The following FNDC3B variants were observed in gnomAD, a reference collection of about 807,000 sequenced individuals.
FNDC3B encodes the protein fibronectin type III domain-containing protein 3B.
A neutral mutation model predicts 151.5 loss-of-function variants in FNDC3B; 12 were observed. The observed-to-expected ratio is 0.08, with a 90% CI of 0.05 to 0.13. FNDC3B has a LOEUF of 0.13. FNDC3B is among the 10% of genes least tolerant of loss of function. FNDC3B has a pLI of 1.00. For missense variants in FNDC3B, 1,214 were observed against 1,505.3 expected (o/e 0.81, Z 3.20); for synonymous variants, 528 against 549.0 (o/e 0.96, Z 0.54).
chr3:172,379,364 T>C (rs1735315791), intron 24 of FNDC3B, among the ~76,000 whole-genome samples: 1 of 152,238 alleles, frequency 6.6e-6, no homozygotes, highest in African/African-American at 2.4e-5. Flanking sequence ...CAAGAGATCC[T>C]TGCATATGTG....
intron 3 of FNDC3B, among the ~76,000 whole-genome samples, chr3:172,205,011 A>T (rs1448999877): frequency 6.6e-6 from 1 of 152,200 alleles, no homozygotes; most frequent in African/African-American, 2.4e-5. Flanking sequence ...GGAAGGACAG[A>T]ATGCTTTTGT....
Position 172,294,302 on chromosome 3 carries a change from T to C in FNDC3B, c.850-1061T>C, listed in dbSNP as rs113632840. ...GAGCTACCTGAGATTGGGTAATTTA[T>C]GAAGAAAAGAGGTTTAATTGACTCA... is the stretch of plus-strand genomic sequence containing the variant. On this transcript the variant is annotated intron_variant, in intron 7 of 25. Coordinates refer to ENST00000415807, the MANE Select transcript of FNDC3B (RefSeq NM_022763.4). Among the ~76,000 whole-genome samples, 1,255 of 152,252 alleles carry C rather than the reference T, an allele frequency of 8.2e-3. 23 individuals carry two copies. The highest frequency in any genetic ancestry group is 0.029 in the African/African-American group (1,187 of 41,534).
chr3:172,263,096 T>A (rs1728738793), intron 6 of FNDC3B, among the ~76,000 whole-genome samples: 1 of 149,484 alleles, frequency 6.7e-6, no homozygotes, highest in Non-Finnish European at 1.5e-5. Context: ...TATATAAATA[T>A]ATATATATAT....
intron 2 of FNDC3B, among the ~76,000 whole-genome samples, chr3:172,122,353 G>A (rs1720596345): frequency 6.6e-6 from 1 of 152,034 alleles, no homozygotes; most frequent in Non-Finnish European, 1.5e-5. Flanking sequence ...AGTTGCTGAA[G>A]TGCTGTAGTG....
intron 2 of FNDC3B, among the ~76,000 whole-genome samples, chr3:172,131,064 T>G (rs1721067885): frequency 6.6e-6 from 1 of 152,202 alleles, no homozygotes; most frequent in Non-Finnish European, 1.5e-5. Context: ...TAAATGATTT[T>G]CATGTTAAAG....
intron 1 of FNDC3B, among the ~76,000 whole-genome samples, chr3:172,089,077 G>A (rs1415791297): frequency 6.6e-6 from 1 of 152,142 alleles, no homozygotes; most frequent in Non-Finnish European, 1.5e-5. Context: ...TTGGATAAAT[G>A]GGATTTTCAA....
rs1421894812 is a variant in FNDC3B, at chr3:172,143,352, A to G, written c.187+9806A>G. 2.0e-5 allele frequency among the ~76,000 whole-genome samples: 3 copies of G among 152,152 alleles called. No individual in the cohort carries two copies. In the East Asian group the frequency reaches 5.8e-4, roughly 29 times the overall value. On this transcript the variant is annotated intron_variant, in intron 3 of 25. Coordinates refer to ENST00000415807, the MANE Select transcript of FNDC3B (RefSeq NM_022763.4). ...TCTTACCTGTAAAAATGCATGAGGG[A>G]ATCATTATATTCATGCTTTTAATAA... is the stretch of plus-strand genomic sequence containing the variant.
At chr3:172,282,101 C>T (rs543011351) in intron 6 of FNDC3B, among the ~76,000 whole-genome samples, 2 of 152,158 alleles carry the variant, frequency 1.3e-5, no homozygotes, top group Admixed American at 6.5e-5. Flanking sequence ...TTATTTAGGT[C>T]GTAGAGATGT....
intron 2 of FNDC3B, among the ~76,000 whole-genome samples, chr3:172,120,119 T>C (rs1323158048): frequency 6.6e-6 from 1 of 152,158 alleles, no homozygotes; most frequent in Non-Finnish European, 1.5e-5. Flanking sequence ...CCCCCAATAA[T>C]TAGAACATAG....
At chr3:172,144,323 C>T (rs1721792166) in intron 3 of FNDC3B, among the ~76,000 whole-genome samples, 1 of 152,176 alleles carries the variant, frequency 6.6e-6, no homozygotes, top group Admixed American at 6.5e-5. Context: ...GGCCCCACCT[C>T]CAACGTTGGG....
At position 172,247,737 on chromosome 3, in the gene FNDC3B, C is replaced by A; in HGVS notation, c.469C>A (p.Pro157Thr). 1 of 1,614,116 alleles carries A rather than the reference C, an allele frequency of 6.2e-7. No homozygotes were observed. The highest frequency in any genetic ancestry group is 8.5e-7 in the Non-Finnish European group (1 of 1,180,010). The change falls in exon 5 of 26, where the codon CCC becomes ACC. Residue 157 changes from proline to threonine, a missense_variant. By Grantham distance (38) the Pro-to-Thr change is conservative. Around this residue, in one of 7 missense-constraint regions of FNDC3B, gnomAD observed 166 missense variants for 173.2 expected, o/e 0.96. Coordinates refer to ENST00000415807, the MANE Select transcript of FNDC3B (RefSeq NM_022763.4). ...TGGAGATATGCCGCCTCAGTTTTTTCCCCAGCATCATCTTCCCCACACAAT... is the reference window on the plus strand; with the variant it reads ...TGGAGATATGCCGCCTCAGTTTTTTACCCAGCATCATCTTCCCCACACAAT... The part of the protein sequence containing the change: ...GPGDMPPQFF[P>T]QHHLPHTIYG...
intron 1 of FNDC3B, among the ~76,000 whole-genome samples, chr3:172,071,858 G>A (rs1006184231): frequency 2.0e-5 from 3 of 152,082 alleles, no homozygotes; most frequent in Admixed American, 6.5e-5. Flanking sequence ...ATGGTCTTAC[G>A]AGGATAGATG....
intron 1 of FNDC3B, among the ~76,000 whole-genome samples, chr3:172,048,123 A>G (rs1162498504): frequency 1.8e-4 from 27 of 152,174 alleles, no homozygotes; most frequent in Admixed American, 1.7e-3. Context: ...TGGATATTTT[A>G]CGTTTTATAC....
intron 3 of FNDC3B, among the ~76,000 whole-genome samples, chr3:172,199,193 T>A (rs544021222): frequency 5.7e-4 from 86 of 151,122 alleles, no homozygotes; most frequent in African/African-American, 1.1e-3. Context: ...TTTATTTTTT[T>A]TTTTTTGAGA....
rs1427234278 is a variant in FNDC3B at position 172,159,671 on chromosome 3, G to C, written c.187+26125G>C. Among the ~76,000 whole-genome samples the C allele has an allele frequency of 3.3e-5, 5 of 152,154 alleles. No homozygotes were observed. In the East Asian group the frequency reaches 9.6e-4, roughly 29 times the overall value. ...TTCTGTACAGCTGTCTCTGAAGCCT[G>C]GATTGATAATGAAGTCTAGATCTTT... On this transcript the variant is annotated intron_variant, in intron 3 of 25. Coordinates refer to ENST00000415807, the MANE Select transcript of FNDC3B (RefSeq NM_022763.4).
At chr3:172,342,065 C>T (rs1733351381) in intron 17 of FNDC3B, among the ~76,000 whole-genome samples, 1 of 152,200 alleles carries the variant, frequency 6.6e-6, no homozygotes, top group Non-Finnish European at 1.5e-5. Flanking sequence ...GCTTACAGCC[C>T]TGTGCTGGGT....
intron 3 of FNDC3B, among the ~76,000 whole-genome samples, chr3:172,161,823 C>T (rs911603863): frequency 2.6e-5 from 4 of 152,196 alleles, no homozygotes; most frequent in African/African-American, 9.7e-5. Flanking sequence ...TACAAAACTC[C>T]ATTCCCATTA....
At chr3:172,179,889 T>C (rs1238985165) in intron 3 of FNDC3B, among the ~76,000 whole-genome samples, 1 of 130,020 alleles carries the variant, frequency 7.7e-6, no homozygotes, top group African/African-American at 2.9e-5. Flanking sequence ...AAAAAAAGAG[T>C]GTAAACAGGT....
chr3:172,175,370 CG>C (rs1446842689), intron 3 of FNDC3B, among the ~76,000 whole-genome samples: 2 of 152,008 alleles, frequency 1.3e-5, no homozygotes, highest in Non-Finnish European at 2.9e-5. Flanking sequence ...TAGTCCTATA[CG>C]TGGTAGGTAG....
Sources: allele counts gnomAD v4.1 joint callset (sites outside exome capture counted in the v4.1 genomes callset), GRCh38; gene constraint gnomAD v4.1.1; regional missense constraint gnomAD v4.1.1; transcripts MANE v1.5; gene names NCBI Gene and HGNC (gene_info 2026-07-23, HGNC 2026-07-21).